The following TGS1 variants were observed in gnomAD, a reference collection of about 807,000 sequenced individuals.
TGS1 encodes trimethylguanosine synthase.
TGS1 carries 69 observed loss-of-function variants against 92.2 expected under a neutral mutation model. The ratio of observed to expected loss-of-function variants is 0.75; its 90% confidence interval spans 0.62 to 0.91. The LOEUF (loss-of-function observed/expected upper bound fraction) is 0.91. Among genes scored for constraint, TGS1 ranks in the 40% least tolerant of loss-of-function variants. TGS1 has a pLI of 0.00. For synonymous variants in TGS1, 345 were observed against 338.1 expected (o/e 1.02, Z -0.22); for missense variants, 1,062 against 1,001.2 (o/e 1.06, Z -0.82).
intron 10 of TGS1, 122 bp downstream of exon 10, chr8:55,805,158 T>C (rs1266715323): frequency 3.0e-6 from 2 of 662,156 alleles, no homozygotes; most frequent in East Asian, 3.6e-5. Context: ...TATGAAATGA[T>C]ATAAAATAAT....
At position 55,818,531 on chromosome 8, in the gene TGS1, G is replaced by C. The variant is rs181360626; in HGVS notation, c.2439+5413G>C. Among the ~76,000 whole-genome samples, 76 of 152,324 alleles carry C rather than the reference G, an allele frequency of 5.0e-4. 1 individual carries two copies. The Middle Eastern group carries it at 0.014, about 27-fold the overall frequency. On this transcript the variant is annotated intron_variant, in intron 12 of 12. Coordinates refer to ENST00000260129, the MANE Select transcript of TGS1 (RefSeq NM_024831.8). ...GCAATTCAGGATAAATATATGATCAGTTCCTAATATTTACTAGCCAGCTTT... is the reference window on the plus strand; with the variant it reads ...GCAATTCAGGATAAATATATGATCACTTCCTAATATTTACTAGCCAGCTTT...
intron 2 of TGS1, 59 bp from the exon 3 acceptor site, chr8:55,785,660 A>C: frequency 7.8e-7 from 1 of 1,285,872 alleles, no homozygotes; most frequent in South Asian, 1.7e-5. Flanking sequence ...TTAAATGAGA[A>C]TAAGAAAACC....
At chr8:55,822,638 C>T (rs1803681140) in intron 12 of TGS1, among the ~76,000 whole-genome samples, 1 of 150,044 alleles carries the variant, frequency 6.7e-6, no homozygotes, top group Non-Finnish European at 1.5e-5. Flanking sequence ...CTAATAATTG[C>T]TACTCTGAGA....
At position 55,824,918 on chromosome 8, in the gene TGS1, C is replaced by G; in HGVS notation, c.*215C>G. On this transcript the variant is annotated 3_prime_UTR_variant, in exon 13 of 13. Transcript: ENST00000260129. ...TATACAAAATTAATATATATGAGTCCTTTGTAATTTATTTTTTTTTGAGAC... is the reference window on the plus strand; with the variant it reads ...TATACAAAATTAATATATATGAGTCGTTTGTAATTTATTTTTTTTTGAGAC... 2.0e-6 allele frequency: 1 copy of G among 488,006 alleles called. No homozygotes were observed. Among genetic ancestry groups the G allele is most frequent in the Non-Finnish European group, 3.5e-6 (1 of 288,342 alleles). The allele number at this position is 488,006 out of a possible 1,614,324, so 30.2% of individuals were successfully genotyped here.
intron 10 of TGS1, among the ~76,000 whole-genome samples, chr8:55,806,287 T>C (rs1585782963): frequency 8.0e-6 from 1 of 124,632 alleles, no homozygotes; most frequent in Non-Finnish European, 1.6e-5. Flanking sequence ...ACCCGGGAGG[T>C]GGAGGTTGCA....
Position 55,792,677 on chromosome 8 carries a change from GTTTACCTTTTC to G in TGS1, c.1281-16_1281-6del. 6.3e-7 allele frequency: 1 copy of G among 1,586,374 alleles called. No homozygotes were observed. The highest frequency in any genetic ancestry group is 8.7e-7 in the Non-Finnish European group (1 of 1,155,098). On this transcript the variant is annotated splice_polypyrimidine_tract_variant and intron_variant, in intron 5 of 12. Transcript: ENST00000260129. The stretch of plus-strand genomic sequence containing the variant: ...GCTCTGGTGGTAATGGCTTATCACT[GTTTACCTTTTC>G]TTTATTTAGCCATGAACTGGACATT...
In TGS1 at chr8:55,812,984, CTT is replaced by C. The variant is rs1585790332; in HGVS notation, c.2361-54_2361-53del. On this transcript the variant is annotated intron_variant, in intron 11 of 12. Transcript: ENST00000260129. ...GAGTTATGATAAGTAAAACACATCT[CTT>C]TCTGATTAGAAATTAGCTGCTGTTT... 2.3e-6 allele frequency: 3 copies of C among 1,287,478 alleles called. No individual in the cohort carries two copies. In the East Asian group the frequency reaches 7.0e-5, roughly 30 times the overall value. 79.8% of individuals were successfully genotyped at this position (1,287,478 alleles called of 1,614,324 possible). A position where few individuals can be genotyped will look rare whatever the true frequency, so the allele number is the denominator to read the frequency against.
rs1487595410 is a variant in TGS1 at position 55,779,368 on chromosome 8, T to TA, written c.102-3379dup. 3.3e-5 allele frequency among the ~76,000 whole-genome samples: 5 copies of TA among 152,230 alleles called. No homozygotes were observed. The East Asian group carries it at 9.6e-4, about 29-fold the overall frequency. On this transcript the variant is annotated intron_variant, in intron 1 of 12. Coordinates refer to ENST00000260129, the MANE Select transcript of TGS1 (RefSeq NM_024831.8). Reference sequence around the variant, plus strand: ...TCAAATTATCAGCAGCCTTGGAACATACGGTAATAACCTTGGACATCTGAT... The same window carrying TA: ...TCAAATTATCAGCAGCCTTGGAACATAACGGTAATAACCTTGGACATCTGAT...
chr8:55,786,921 T>G lies in TGS1; in HGVS notation c.1023T>G (p.Ser341Arg), dbSNP rs1811734164. ...AGAGCCAATTAGATTCCTGTACAAGTCATGATGGTCATCAACAGCTAAGTG... is the reference window on the plus strand; with the variant it reads ...AGAGCCAATTAGATTCCTGTACAAGGCATGATGGTCATCAACAGCTAAGTG... Reference protein sequence around the residue: ...VTQSQLDSCTSHDGHQQLSEV... With the variant: ...VTQSQLDSCTRHDGHQQLSEV... Residue 341 changes from serine (S) to arginine (R), a missense_variant, in exon 4 of 13, where the codon AGT becomes AGG. Coordinates refer to ENST00000260129, the MANE Select transcript of TGS1 (RefSeq NM_024831.8). 6.2e-7 allele frequency: 1 copy of G among 1,614,126 alleles called. No individual in the cohort carries two copies. Among genetic ancestry groups the G allele is most frequent in the Non-Finnish European group, 8.5e-7 (1 of 1,180,014 alleles).
intron 12 of TGS1, among the ~76,000 whole-genome samples, chr8:55,822,561 T>C (rs36080404): frequency 0.15 from 23,292 of 150,756 alleles, 1,896 homozygotes; most frequent in African/African-American, 0.2. Context: ...TTTTTTTTTT[T>C]CCCCCTTTCT....
rs1455075048 is a variant in TGS1, at chr8:55,804,965, G to A, written c.2072G>A (p.Cys691Tyr). ...IAGRVSQSFK[C>Y]DVVVDAFCGV... ...GGCCGTGTTAGTCAGTCCTTCAAGT[G>A]TGACGTTGTAGTAGACGCATTCTGT... The change falls in exon 10 of 13, where the codon TGT (cysteine) becomes TAT (tyrosine). Residue 691 changes from cysteine (C) to tyrosine (Y), a missense_variant. Coordinates refer to ENST00000260129, the MANE Select transcript of TGS1 (RefSeq NM_024831.8). 6.2e-7 allele frequency: 1 copy of A among 1,614,064 alleles called. No homozygotes were observed. Among genetic ancestry groups the A allele is most frequent in the South Asian group, 1.1e-5 (1 of 91,074 alleles).
intron 5 of TGS1, among the ~76,000 whole-genome samples, chr8:55,790,504 CTTT>C (rs34298156): frequency 8.3e-5 from 12 of 145,392 alleles, no homozygotes; most frequent in East Asian, 2.0e-4. Context: ...AAGTACATTT[CTTT>C]TTTTTTTTTT....
intron 4 of TGS1, among the ~76,000 whole-genome samples, chr8:55,787,833 A>G (rs188490148): frequency 6.6e-6 from 1 of 152,320 alleles, no homozygotes; most frequent in African/African-American, 2.4e-5. Flanking sequence ...GGCCTCAGGA[A>G]CCTTCCAATT....
intron 12 of TGS1, among the ~76,000 whole-genome samples, chr8:55,818,288 C>G (rs536502258): frequency 6.6e-6 from 1 of 152,184 alleles, no homozygotes; most frequent in African/African-American, 2.4e-5. Context: ...TCTCCCACCT[C>G]GGTCTCCCGA....
intron 8 of TGS1, 50 bp downstream of exon 8, chr8:55,799,270 T>C (rs757207092): frequency 6.6e-7 from 1 of 1,504,136 alleles, no homozygotes; most frequent in South Asian, 1.3e-5. Context: ...TAAAATTTTT[T>C]TTGTTAATAT....
intron 8 of TGS1, among the ~76,000 whole-genome samples, chr8:55,801,582 C>CCTTTTTTTTTTTTTTTTTTTTTTTTT (rs1214681045): frequency 2.1e-5 from 1 of 48,200 alleles, no homozygotes; most frequent in Non-Finnish European, 3.4e-5. Flanking sequence ...CCCCATCGTT[C>CCTTTTTTTTTTTTTTTTTTTTTTTTT]TTTTTTTTTT....
At chr8:55,794,697 A>G (rs981221418) in intron 6 of TGS1, among the ~76,000 whole-genome samples, 27 of 152,270 alleles carry the variant, frequency 1.8e-4, no homozygotes, top group Non-Finnish European at 5.9e-5. Flanking sequence ...AGCATTAAAT[A>G]TAAAGGAACA....
chr8:55,804,837 G>C, intron 9 of TGS1, 56 bp from the exon 10 acceptor site: 1 of 1,524,888 alleles, frequency 6.6e-7, no homozygotes, highest in Non-Finnish European at 9.0e-7. Flanking sequence ...CTATGTTTAT[G>C]CTTGCCTTGG....
At chr8:55,776,026 G>T (rs141012841) in intron 1 of TGS1, among the ~76,000 whole-genome samples, 170 of 152,182 alleles carry the variant, frequency 1.1e-3, no homozygotes, top group African/African-American at 4.0e-3. Flanking sequence ...AGGAAGAACC[G>T]CAGACAAAAC....
Sources: allele counts gnomAD v4.1 joint callset (sites outside exome capture counted in the v4.1 genomes callset), GRCh38; gene constraint gnomAD v4.1.1; transcripts MANE v1.5; gene names NCBI Gene and HGNC (gene_info 2026-07-23, HGNC 2026-07-21).